Variants in IGF2BP2 observed in about 807,000 individuals in gnomAD.
IGF2BP2 encodes the protein insulin-like growth factor 2 mRNA-binding protein 2.
IGF2BP2 carries 17 observed loss-of-function variants against 75.8 expected under a neutral mutation model. The observed-to-expected ratio is 0.22, with a 90% confidence interval of 0.15 to 0.34. The LOEUF is 0.34. Ranked by LOEUF, IGF2BP2 falls within the 10% of genes least tolerant of loss-of-function variation. The probability of loss-of-function intolerance (pLI) is 1.00; values close to 1 mark genes in which losing one functional copy is unlikely to be tolerated. For synonymous variants in IGF2BP2, 288 were observed against 295.6 expected (o/e 0.97, Z 0.26); for missense variants, 516 against 772.4 (o/e 0.67, Z 3.93).
intron 2 of IGF2BP2, among the ~76,000 whole-genome samples, chr3:185,811,373 G>C (rs1739800332): frequency 6.6e-6 from 1 of 152,148 alleles, no homozygotes. Flanking sequence ...ATAAAGGACA[G>C]TGTCTTCAAC....
chr3:185,687,157 C>G lies in IGF2BP2; in HGVS notation c.712G>C (p.Ala238Pro). The G allele has an allele frequency of 6.2e-7, 1 of 1,613,176 alleles. No individual in the cohort carries two copies. ...DIHRKENSGA[A>P]EKPVTIHATP... Reference sequence around the variant, plus strand: ...GCATGGATGGTGACAGGCTTCTCTGCAGCTCCAGAGTTCTCTTTTCTATGG... The same window carrying G: ...GCATGGATGGTGACAGGCTTCTCTGGAGCTCCAGAGTTCTCTTTTCTATGG... The change falls in exon 7 of 16, where the codon GCA becomes CCA. Residue 238 changes from alanine (A) to proline (P), a missense_variant. Around this residue, in one of 3 missense-constraint regions of IGF2BP2, gnomAD observed 312 missense variants for 474.5 expected, o/e 0.66. Transcript: ENST00000382199.
chr3:185,784,621 C>A lies in IGF2BP2; in HGVS notation c.239+38532G>T, dbSNP rs1024924662. 3.3e-5 allele frequency among the ~76,000 whole-genome samples: 5 copies of A among 152,386 alleles called. 1 individual carries two copies. Among genetic ancestry groups the A allele is most frequent in the Admixed American group, 2.0e-4 (3 of 15,308 alleles). ...GCAATGAATGCTGTTCCAGCGATCC[C>A]CTGCTATTCATCATCATCAAACCCT... On this transcript the variant is annotated intron_variant, in intron 2 of 15. Coordinates refer to ENST00000382199, the MANE Select transcript of IGF2BP2 (RefSeq NM_006548.6).
intron 2 of IGF2BP2, among the ~76,000 whole-genome samples, chr3:185,770,622 G>C (rs985350626): frequency 2.6e-5 from 4 of 152,190 alleles, no homozygotes; most frequent in African/African-American, 9.7e-5. Flanking sequence ...CATAGCACCT[G>C]TGACACCCAA....
At position 185,645,962 on chromosome 3, in the gene IGF2BP2, T is replaced by C. The variant is rs2149022081; in HGVS notation, c.1708-339A>G. On this transcript the variant is annotated intron_variant, in intron 15 of 15. Transcript: ENST00000382199. This position sits in a 1 kb window ranked among gnomAD's most constrained non-coding sequence, Gnocchi z 4.9. The stretch of plus-strand genomic sequence containing the variant: ...TGCTACACTTGGGCTCCCGTGCTGC[T>C]CCCGCCCCCGTTCTACAGCGGCTAG... Among the ~76,000 whole-genome samples, 1 of 151,992 alleles carries C rather than the reference T, an allele frequency of 6.6e-6. No individual in the cohort carries two copies. The highest frequency in any genetic ancestry group is 1.5e-5 in the Non-Finnish European group (1 of 67,948).
intron 2 of IGF2BP2, among the ~76,000 whole-genome samples, chr3:185,803,194 T>C (rs542747992): frequency 6.6e-6 from 1 of 152,168 alleles, no homozygotes; most frequent in East Asian, 1.9e-4. Context: ...CTAATAAAAA[T>C]ACAAAAAGTA....
intron 12 of IGF2BP2, among the ~76,000 whole-genome samples, chr3:185,653,003 G>A (rs1168547130): frequency 6.6e-6 from 1 of 152,236 alleles, no homozygotes; most frequent in Admixed American, 6.5e-5. Flanking sequence ...GTGAGATGGG[G>A]TTTCACCATG....
chr3:185,726,061 G>A (rs1056098975), intron 2 of IGF2BP2, among the ~76,000 whole-genome samples: 1 of 152,216 alleles, frequency 6.6e-6, no homozygotes, highest in Non-Finnish European at 1.5e-5. Context: ...CTCAGATCAT[G>A]CCTGTATTTA....
intron 2 of IGF2BP2, among the ~76,000 whole-genome samples, chr3:185,771,890 T>C (rs1337417092): frequency 6.6e-6 from 1 of 152,166 alleles, no homozygotes. Flanking sequence ...CACGGCCTCT[T>C]TGTCACAGAG....
intron 2 of IGF2BP2, among the ~76,000 whole-genome samples, chr3:185,765,407 C>T (rs553355963): frequency 5.9e-5 from 9 of 152,214 alleles, no homozygotes; most frequent in Non-Finnish European, 8.8e-5. Flanking sequence ...ACCTGTCTCA[C>T]ACCAAGTAGC....
intron 2 of IGF2BP2, among the ~76,000 whole-genome samples, chr3:185,820,229 TACACATACACACACACAC>T (rs147998772): frequency 0.28 from 37,029 of 133,680 alleles, 4,733 homozygotes; most frequent in African/African-American, 0.32. Flanking sequence ...TGTGTATATA[TACACATACACACACACAC>T]ACACACACAC....
At chr3:185,698,700 C>T (rs1050316456) in intron 2 of IGF2BP2, among the ~76,000 whole-genome samples, 1 of 152,104 alleles carries the variant, frequency 6.6e-6, no homozygotes, top group Non-Finnish European at 1.5e-5. Flanking sequence ...ACGATCTTGG[C>T]TCACTGCAAC....
In IGF2BP2 at chr3:185,718,798, A is replaced by C. The variant is rs145232030; in HGVS notation, c.240-20451T>G. Among the ~76,000 whole-genome samples the C allele has an allele frequency of 3.9e-5, 6 of 152,272 alleles. No homozygotes were observed. In the East Asian group the frequency reaches 1.2e-3, roughly 29 times the overall value. On this transcript the variant is annotated intron_variant, in intron 2 of 15. Transcript: ENST00000382199. ...AGCAGGGAAGAGCAAAGCCACGATC[A>C]AAACCTGAGAAACTGAGAGGATGAA...
At chr3:185,750,702 C>A (rs571731350) in intron 2 of IGF2BP2, among the ~76,000 whole-genome samples, 6 of 152,340 alleles carry the variant, frequency 3.9e-5, no homozygotes, top group Admixed American at 1.3e-4. Context: ...TCTGGGATTT[C>A]TTTGTCTTCC....
intron 2 of IGF2BP2, among the ~76,000 whole-genome samples, chr3:185,810,865 T>C (rs1232855375): frequency 1.3e-5 from 2 of 152,042 alleles, no homozygotes; most frequent in East Asian, 1.9e-4. Flanking sequence ...TCTGGACATA[T>C]GAGAATCAAA....
intron 2 of IGF2BP2, among the ~76,000 whole-genome samples, chr3:185,787,016 T>C (rs894079596): frequency 3.3e-5 from 5 of 152,226 alleles, no homozygotes; most frequent in African/African-American, 7.2e-5. Flanking sequence ...AAATCTGTCC[T>C]GTGGGCTGGA....
At chr3:185,742,665 T>C (rs915931453) in intron 2 of IGF2BP2, among the ~76,000 whole-genome samples, 1 of 149,848 alleles carries the variant, frequency 6.7e-6, no homozygotes, top group Non-Finnish European at 1.5e-5. Context: ...TCAAAAAAAA[T>C]AAAAATAAAA....
At chr3:185,810,116 C>A (rs948136471) in intron 2 of IGF2BP2, among the ~76,000 whole-genome samples, 2 of 152,216 alleles carry the variant, frequency 1.3e-5, no homozygotes, top group Non-Finnish European at 2.9e-5. Context: ...ATGCGCTTTA[C>A]CTGACCATTA....
intron 2 of IGF2BP2, among the ~76,000 whole-genome samples, chr3:185,755,415 G>C (rs1243372018): frequency 6.6e-6 from 1 of 152,250 alleles, no homozygotes; most frequent in Non-Finnish European, 1.5e-5. Context: ...AGGAAAGCTT[G>C]TATAGGAGCC....
At chr3:185,730,485 AG>A (rs1451679064) in intron 2 of IGF2BP2, among the ~76,000 whole-genome samples, 2 of 127,378 alleles carry the variant, frequency 1.6e-5, no homozygotes, top group Non-Finnish European at 3.1e-5. Context: ...CCCAGGCTGG[AG>A]TGCAATGGCA....
Sources: gnomAD v4.1 joint callset for allele counts (sites outside exome capture counted in the v4.1 genomes callset) on GRCh38, gnomAD v4.1.1 for gene constraint, gnomAD v4.1.1 regional missense constraint, Gnocchi (gnomAD v3.1) non-coding constraint, MANE v1.5 for transcripts, NCBI Gene and HGNC (gene_info 2026-07-23, HGNC 2026-07-21) for gene names.